The following PTGR3 variants were observed in gnomAD, a reference collection of about 807,000 sequenced individuals.
The protein encoded by PTGR3 is prostaglandin reductase 3, also known as zinc binding alcohol dehydrogenase domain containing 2.
chr18:75,201,630 T>C, the PTGR3 span: 1 of 1,614,196 alleles, frequency 6.2e-7, no homozygotes, highest in South Asian at 1.1e-5. Context: ...AGAAAGGTAA[T>C]GGTTCAGGAA....
the PTGR3 span, chr18:75,202,433 C>G: frequency 8.3e-7 from 1 of 1,204,416 alleles, no homozygotes; most frequent in Non-Finnish European, 1.2e-6. Flanking sequence ...TCTGGCGACC[C>G]TGGAGGGGTT....
chr18:75,201,368 T>TA, the PTGR3 span: 1 of 1,484,012 alleles, frequency 6.7e-7, no homozygotes, highest in South Asian at 1.2e-5. Context: ...TTCTGAGACA[T>TA]AAAGTGCCCA....
chr18:75,202,021 A>G, the PTGR3 span: 1 of 1,614,120 alleles, frequency 6.2e-7, no homozygotes, highest in Non-Finnish European at 8.5e-7. Context: ...GCTGTCACCA[A>G]AACTTTTTTC....
chr18:75,205,882 T>C, the PTGR3 span, among the ~76,000 whole-genome samples: 14 of 152,254 alleles, frequency 9.2e-5, no homozygotes, highest in East Asian at 2.5e-3. Context: ...ACAAACCGTT[T>C]ATCAAAAACG....
chr18:75,204,084 C>T, the PTGR3 span, among the ~76,000 whole-genome samples: 1 of 152,268 alleles, frequency 6.6e-6, no homozygotes, highest in Admixed American at 6.5e-5. Flanking sequence ...GCCCTTCATC[C>T]CTCCCAGTTT....
At chr18:75,205,303 C>T in the PTGR3 span, 4 of 985,488 alleles carry the variant, frequency 4.1e-6, no homozygotes, top group Admixed American at 1.2e-4. Flanking sequence ...GGCGGAAGGG[C>T]CAGGGAGCCA....
chr18:75,209,072 G>A, the PTGR3 span: 461 of 1,501,784 alleles, frequency 3.1e-4, no homozygotes, highest in Middle Eastern at 2.3e-3. This position sits in a 1 kb window ranked among gnomAD's most constrained non-coding sequence, Gnocchi z 4.7. Context: ...CTGCGCCTCC[G>A]CCCGCTCTCT....
At chr18:75,207,055 A>G in the PTGR3 span, among the ~76,000 whole-genome samples, 1 of 152,068 alleles carries the variant, frequency 6.6e-6, no homozygotes, top group South Asian at 2.1e-4. Context: ...AGGAAAAAAA[A>G]CCCCACAGAG....
At chr18:75,202,424 C>T in the PTGR3 span, 2 of 1,322,282 alleles carry the variant, frequency 1.5e-6, no homozygotes, top group Non-Finnish European at 2.1e-6. Flanking sequence ...TCCTCTAGTT[C>T]TGGCGACCCT....
chr18:75,197,104 C>T, the PTGR3 span: 1 of 151,828 alleles, frequency 6.6e-6, no homozygotes, highest in African/African-American at 2.4e-5. Flanking sequence ...GGTTCTCATG[C>T]CAAGCATTCC....
chr18:75,201,372 G>A, the PTGR3 span: 1 of 1,486,894 alleles, frequency 6.7e-7, no homozygotes, highest in Non-Finnish European at 9.2e-7. Context: ...GAGACATAAA[G>A]TGCCCATTTT....
chr18:75,197,498 C>G, the PTGR3 span: 1 of 152,164 alleles, frequency 6.6e-6, no homozygotes, highest in Admixed American at 6.5e-5. Context: ...GTGACCACAC[C>G]AACTGTATTG....
At chr18:75,202,181 G>A in the PTGR3 span, 1 of 1,614,168 alleles carries the variant, frequency 6.2e-7, no homozygotes, top group African/African-American at 1.3e-5. Context: ...CAGGTGCCAT[G>A]TAAGCCACAG....
chr18:75,199,523 A>G, the PTGR3 span: 1 of 152,204 alleles, frequency 6.6e-6, no homozygotes, highest in East Asian at 1.9e-4. Context: ...GTGCACAGTT[A>G]CATTCATAAA....
At chr18:75,196,657 A>AAAAAAAAAAAAG in the PTGR3 span, 2 of 128,088 alleles carry the variant, frequency 1.6e-5, no homozygotes, top group Non-Finnish European at 3.3e-5. Flanking sequence ...AAAAAAAAAA[A>AAAAAAAAAAAAG]GTCTGTACTT....
At chr18:75,200,906 G>T in the PTGR3 span, 2 of 152,160 alleles carry the variant, frequency 1.3e-5, no homozygotes, top group African/African-American at 4.8e-5. Context: ...TTAGATAGTT[G>T]GTTGGTGATT....
At chr18:75,202,356 CA>C in the PTGR3 span, 1 of 1,596,518 alleles carries the variant, frequency 6.3e-7, no homozygotes, top group Non-Finnish European at 8.6e-7. Context: ...AGAAAACAAA[CA>C]AACAAATATG....
chr18:75,205,100 C>G, the PTGR3 span: 1 of 955,252 alleles, frequency 1.0e-6, no homozygotes, highest in Non-Finnish European at 1.2e-6. Flanking sequence ...GGTTCGCGGA[C>G]CCCCACCTCC....
chr18:75,207,889 C>T, the PTGR3 span, among the ~76,000 whole-genome samples: 60 of 152,286 alleles, frequency 3.9e-4, no homozygotes, highest in Middle Eastern at 6.8e-3. Context: ...TATTATTATT[C>T]AACTTGACAC....
Sources: gnomAD v4.1 joint callset for allele counts (sites outside exome capture counted in the v4.1 genomes callset) on GRCh38, gnomAD v4.1.1 for gene constraint, Gnocchi (gnomAD v3.1) non-coding constraint, MANE v1.5 for transcripts, NCBI Gene and HGNC (gene_info 2026-07-23, HGNC 2026-07-21) for gene names.